The following ZNF385D variants were observed in gnomAD, a reference collection of about 807,000 sequenced individuals.
ZNF385D encodes zinc finger protein 385D, also known as zinc finger protein 659.
A neutral mutation model predicts 35.8 loss-of-function variants in ZNF385D; 15 were observed. The ratio of observed to expected loss-of-function variants is 0.42; its 90% CI spans 0.28 to 0.64. ZNF385D has a LOEUF of 0.64. ZNF385D is among the 30% of genes least tolerant of loss of function. The probability of loss-of-function intolerance (pLI) is 0.23; values close to 1 mark genes in which losing one functional copy is unlikely to be tolerated. For synonymous variants in ZNF385D, 212 were observed against 186.8 expected (o/e 1.13, Z -1.10); for missense variants, 474 against 494.6 (o/e 0.96, Z 0.39).
At chr3:22,107,577 A>G (rs1702292774) in intron 3 of ZNF385D, among the ~76,000 whole-genome samples, 1 of 152,164 alleles carries the variant, frequency 6.6e-6, no homozygotes, top group Non-Finnish European at 1.5e-5. Flanking sequence ...AGTGACTACA[A>G]ATTACATAAT....
chr3:21,967,917 G>C (rs1044807777), intron 3 of ZNF385D, among the ~76,000 whole-genome samples: 1 of 152,184 alleles, frequency 6.6e-6, no homozygotes, highest in Non-Finnish European at 1.5e-5. Context: ...AATCAGGTGA[G>C]CAATCACAGT....
chr3:22,005,116 G>A (rs1039675114), intron 3 of ZNF385D, among the ~76,000 whole-genome samples: 4 of 139,388 alleles, frequency 2.9e-5, no homozygotes, highest in East Asian at 4.2e-4. Context: ...ATTAAAAAGT[G>A]GGCAAAGAAT....
At position 21,615,659 on chromosome 3, in the gene ZNF385D, A is replaced by G. The variant is rs570244888; in HGVS notation, c.165+49227T>C. On this transcript the variant is annotated intron_variant, in intron 2 of 7. Transcript: ENST00000281523. Reference sequence around the variant, plus strand: ...ACACTAGAGTTTTATTGTTTTTTTCAGTTGTCCTTTGCTTTATTTGTCATT... The same window carrying G: ...ACACTAGAGTTTTATTGTTTTTTTCGGTTGTCCTTTGCTTTATTTGTCATT... Among the ~76,000 whole-genome samples the G allele has an allele frequency of 5.9e-5, 9 of 152,034 alleles. No homozygotes were observed. The East Asian group carries it at 1.7e-3, about 29-fold the overall frequency.
At chr3:21,989,025 G>C (rs1007063460) in intron 3 of ZNF385D, among the ~76,000 whole-genome samples, 6 of 152,146 alleles carry the variant, frequency 3.9e-5, no homozygotes, top group Admixed American at 1.3e-4. Context: ...CGCACGGTGC[G>C]CGCACCCACT....
chr3:21,734,497 G>A (rs2069155522), intron 1 of ZNF385D, among the ~76,000 whole-genome samples: 1 of 151,720 alleles, frequency 6.6e-6, no homozygotes, highest in African/African-American at 2.4e-5. Flanking sequence ...GAGACTAACA[G>A]TGAATAAAAA....
In ZNF385D at chr3:21,949,834, G is replaced by A. The variant is rs143192129; in HGVS notation, c.325+218983C>T. On this transcript the variant is annotated intron_variant, in intron 3 of 5. Coordinates refer to the ZNF385D transcript ENST00000494108. ...TGGTTTTCTGTTCCAGTGTTAGTTT[G>A]CTGAGAATGACCATTTCCAGCTTCA... Among the ~76,000 whole-genome samples, 7 of 152,156 alleles carry A rather than the reference G, an allele frequency of 4.6e-5. No individual in the cohort carries two copies. In the East Asian group the frequency reaches 1.4e-3, roughly 29 times the overall value.
intron 3 of ZNF385D, among the ~76,000 whole-genome samples, chr3:21,544,401 G>A (rs1179117378): frequency 6.6e-6 from 1 of 152,150 alleles, no homozygotes; most frequent in Non-Finnish European, 1.5e-5. Context: ...AAATGGATTT[G>A]CATGCAAGGT....
At chr3:21,779,082 G>C (rs929560912) in intron 3 of ZNF385D, among the ~76,000 whole-genome samples, 1 of 151,924 alleles carries the variant, frequency 6.6e-6, no homozygotes, top group Non-Finnish European at 1.5e-5. Flanking sequence ...TTAGGCTGGA[G>C]GTGGCAAAAA....
chr3:22,367,248 T>C (rs1233368420), intron 2 of ZNF385D, among the ~76,000 whole-genome samples: 4 of 152,140 alleles, frequency 2.6e-5, no homozygotes, highest in African/African-American at 7.2e-5. Flanking sequence ...ACTTTATAGA[T>C]GAGGACACTG....
intron 5 of ZNF385D, among the ~76,000 whole-genome samples, chr3:21,432,626 A>T (rs999604593): frequency 3.9e-5 from 6 of 152,014 alleles, no homozygotes; most frequent in Non-Finnish European, 8.8e-5. Context: ...TTTAAAGAAA[A>T]AGAAAAACAC....
chr3:21,700,731 A>G (rs2067651271), intron 1 of ZNF385D, among the ~76,000 whole-genome samples: 2 of 152,320 alleles, frequency 1.3e-5, no homozygotes, highest in Non-Finnish European at 2.9e-5. Context: ...AAGTTATTTA[A>G]ATTGTATAAT....
chr3:22,160,986 T>C (rs1705914288), intron 3 of ZNF385D, among the ~76,000 whole-genome samples: 1 of 152,138 alleles, frequency 6.6e-6, no homozygotes, highest in African/African-American at 2.4e-5. Flanking sequence ...AATGCTGCTA[T>C]GAATCAAAGA....
At chr3:22,010,179 T>A (rs887677840) in intron 3 of ZNF385D, among the ~76,000 whole-genome samples, 5 of 152,126 alleles carry the variant, frequency 3.3e-5, no homozygotes, top group South Asian at 2.1e-4. Context: ...GTATATGTTT[T>A]AAAAAGCAGC....
At chr3:21,685,184 G>C (rs144131647) in intron 1 of ZNF385D, among the ~76,000 whole-genome samples, 2 of 152,162 alleles carry the variant, frequency 1.3e-5, no homozygotes, top group African/African-American at 4.8e-5. Flanking sequence ...CTCAGCAAGA[G>C]AGAAATAGAT....
intron 3 of ZNF385D, among the ~76,000 whole-genome samples, chr3:21,914,415 T>C (rs949242945): frequency 2.7e-5 from 4 of 150,740 alleles, no homozygotes; most frequent in African/African-American, 9.8e-5. Flanking sequence ...TATCTCTTTT[T>C]TTCAAATATT....
At chr3:22,141,104 G>A (rs921083485) in intron 3 of ZNF385D, among the ~76,000 whole-genome samples, 2 of 152,056 alleles carry the variant, frequency 1.3e-5, no homozygotes, top group East Asian at 1.9e-4. Context: ...CTATTTAAAA[G>A]GCAACATATT....
At chr3:22,008,586 G>C (rs1429147693) in intron 3 of ZNF385D, among the ~76,000 whole-genome samples, 1 of 152,044 alleles carries the variant, frequency 6.6e-6, no homozygotes, top group African/African-American at 2.4e-5. Context: ...TCGATCTCCT[G>C]ACCTCGTGAT....
intron 3 of ZNF385D, among the ~76,000 whole-genome samples, chr3:22,043,398 A>G (rs2125509490): frequency 6.6e-6 from 1 of 152,286 alleles, no homozygotes; most frequent in African/African-American, 2.4e-5. Flanking sequence ...CATGCTACAA[A>G]CATAGGCATA....
chr3:21,443,946 A>G (rs141130188), intron 4 of ZNF385D, among the ~76,000 whole-genome samples: 1 of 152,360 alleles, frequency 6.6e-6, no homozygotes, highest in Non-Finnish European at 1.5e-5. Context: ...ATAGATTCAT[A>G]TACATAATGG....
Sources: allele counts gnomAD v4.1 joint callset (sites outside exome capture counted in the v4.1 genomes callset), GRCh38; gene constraint gnomAD v4.1.1; transcripts MANE v1.5; gene names NCBI Gene and HGNC (gene_info 2026-07-23, HGNC 2026-07-21).